USP33: variants seen among roughly 807,000 people sequenced by gnomAD.
USP33 encodes ubiquitin specific peptidase 33, also known as ubiquitin carboxyl-terminal hydrolase 33.
A neutral mutation model predicts 124.2 loss-of-function variants in USP33; 46 were observed. The observed-to-expected ratio is 0.37, with a 90% CI of 0.29 to 0.47. The LOEUF (loss-of-function observed/expected upper bound fraction) is 0.47, where lower values mean the gene tolerates loss of function less well. Among genes scored for constraint, USP33 ranks in the 20% least tolerant of loss-of-function variants. USP33 has a pLI of 0.99. For synonymous variants in USP33, 350 were observed against 352.3 expected (o/e 0.99, Z 0.07); for missense variants, 851 against 1,070.6 (o/e 0.79, Z 2.86).
intron 21 of USP33, among the ~76,000 whole-genome samples, chr1:77,708,464 C>G (rs1195110024): frequency 6.6e-6 from 1 of 152,214 alleles, no homozygotes; most frequent in African/African-American, 2.4e-5. Flanking sequence ...CATCCTGTGT[C>G]TCCTGGGCGT....
intron 16 of USP33, 93 bp from the exon 17 acceptor site, chr1:77,718,140 G>T (rs1676134894): frequency 2.8e-6 from 3 of 1,066,496 alleles, no homozygotes; most frequent in South Asian, 1.8e-5. Flanking sequence ...TATTCAACAA[G>T]CAAGAAACTG....
At chr1:77,759,591 G>A (rs1259665117) in intron 1 of USP33, 52 bp downstream of exon 1, 3 of 398,094 alleles carry the variant, frequency 7.5e-6, no homozygotes, top group African/African-American at 2.1e-5. Flanking sequence ...GACCCCGGAC[G>A]CGAGCGAAAC....
chr1:77,720,365 C>A, intron 15 of USP33: 2 of 985,282 alleles, frequency 2.0e-6, no homozygotes, highest in Non-Finnish European at 2.4e-6. Flanking sequence ...GGAACAATCC[C>A]CTTCCAAGCC....
At chr1:77,718,869 CAG>C (rs1676225750) in intron 15 of USP33, among the ~76,000 whole-genome samples, 1 of 138,290 alleles carries the variant, frequency 7.2e-6, no homozygotes, top group African/African-American at 2.7e-5. Flanking sequence ...ACGGAGTTTG[CAG>C]AGAGCCAAGA....
chr1:77,705,147 CA>C (rs35656157), intron 21 of USP33, among the ~76,000 whole-genome samples: 3 of 144,950 alleles, frequency 2.1e-5, no homozygotes, highest in South Asian at 2.2e-4. Context: ...CTGAATAAAA[CA>C]AAAAAAACCC....
intron 1 of USP33, among the ~76,000 whole-genome samples, chr1:77,743,307 ATTTT>A (rs199526126): frequency 6.6e-6 from 1 of 151,944 alleles, no homozygotes. Context: ...TAGTAAATAC[ATTTT>A]TTTTATTATA....
At chr1:77,742,834 G>A (rs1679281294) in intron 1 of USP33, among the ~76,000 whole-genome samples, 1 of 152,090 alleles carries the variant, frequency 6.6e-6, no homozygotes, top group Non-Finnish European at 1.5e-5. Flanking sequence ...AATAAACCAT[G>A]CAGGTCTATG....
chr1:77,714,492 T>G (rs1675646211), intron 19 of USP33, 122 bp downstream of exon 19: 1 of 966,008 alleles, frequency 1.0e-6, no homozygotes, highest in South Asian at 1.7e-5. Flanking sequence ...TAAAACACAT[T>G]AAGTTTGAAT....
At chr1:77,729,369 TAAAAAA>T (rs1167126986) in intron 9 of USP33, among the ~76,000 whole-genome samples, 4 of 115,486 alleles carry the variant, frequency 3.5e-5, no homozygotes, top group African/African-American at 1.3e-4. Context: ...TTATCTCTCT[TAAAAAA>T]AAAAAAAAAA....
At chr1:77,712,127 A>G (rs568533860) in intron 20 of USP33, among the ~76,000 whole-genome samples, 1 of 152,362 alleles carries the variant, frequency 6.6e-6, no homozygotes, top group South Asian at 2.1e-4. Flanking sequence ...AGTGGTTTCA[A>G]AAAGTATCAT....
chr1:77,751,406 A>T (rs2101606221), intron 1 of USP33, among the ~76,000 whole-genome samples: 1 of 152,292 alleles, frequency 6.6e-6, no homozygotes, highest in African/African-American at 2.4e-5. Flanking sequence ...TAATCCCAGC[A>T]CTTTAGGAGA....
At position 77,713,249 on chromosome 1, in the gene USP33, C is replaced by A; in HGVS notation, c.2248G>T (p.Asp750Tyr). 1.3e-6 allele frequency: 2 copies of A among 1,577,030 alleles called. No homozygotes were observed. The highest frequency in any genetic ancestry group is 1.2e-5 in the South Asian group (1 of 85,066). The change falls in exon 20 of 24, where the codon GAC becomes TAC. Residue 750 changes from aspartate (D) to tyrosine (Y), a missense_variant. Coordinates refer to ENST00000370794, the MANE Select transcript of USP33 (RefSeq NM_201624.3). ...TTCTGAGGCAGCATCAAAACCAGGTCTTCAATATAACCAGCTTTTCTTGGA... is the reference window on the plus strand; with the variant it reads ...TTCTGAGGCAGCATCAAAACCAGGTATTCAATATAACCAGCTTTTCTTGGA... The part of the protein sequence containing the change: ...VPPRKAGYIE[D>Y]LVLMLPQNIW...
Position 77,697,208 on chromosome 1 carries a change from G to T in USP33, c.*109C>A. ...CTAAGAAGAAATAAATGGGATAAAT[G>T]ATGAAAAAAAATAAAGCAAATAAAC... is the stretch of plus-strand genomic sequence containing the variant. On this transcript the variant is annotated 3_prime_UTR_variant, in exon 24 of 24. Coordinates refer to ENST00000370794, the MANE Select transcript of USP33 (RefSeq NM_201624.3). The T allele has an allele frequency of 8.4e-6, 9 of 1,066,712 alleles. No homozygotes were observed. Among genetic ancestry groups the T allele is most frequent in the Admixed American group, 2.7e-5 (1 of 36,638 alleles). The allele number at this position is 1,066,712 out of a possible 1,614,324, so 66.1% of individuals were successfully genotyped here.
chr1:77,709,233 G>A (rs1674964171), intron 21 of USP33, among the ~76,000 whole-genome samples: 1 of 152,052 alleles, frequency 6.6e-6, no homozygotes, highest in African/African-American at 2.4e-5. Flanking sequence ...TTGAGGCTAG[G>A]CACAGTAGTT....
At chr1:77,725,909 C>A in intron 10 of USP33, 147 bp from the exon 11 acceptor site, 1 of 812,512 alleles carries the variant, frequency 1.2e-6, no homozygotes, top group Non-Finnish European at 1.8e-6. Flanking sequence ...GCTTACTAAG[C>A]AAAATAACAG....
Position 77,721,157 on chromosome 1 carries a change from G to A in USP33, c.1691+15C>T, listed in dbSNP as rs750400986. The A allele has an allele frequency of 3.1e-6, 5 of 1,613,486 alleles. No individual in the cohort carries two copies. The highest frequency in any genetic ancestry group is 1.7e-5 in the Admixed American group (1 of 59,942). On this transcript the variant is annotated intron_variant, in intron 15 of 23. Coordinates refer to ENST00000370794, the MANE Select transcript of USP33 (RefSeq NM_201624.3). ...TACACAACATGCAATTAAAAGCACT[G>A]TCAATGTCACTTACTTTTTGCATTT...
In USP33 at chr1:77,701,482, G is replaced by GA. The variant is rs745680662; in HGVS notation, c.2407-12dup. 1.3e-4 allele frequency: 204 copies of GA among 1,587,790 alleles called. 1 individual carries two copies. The South Asian group carries it at 1.6e-3, about 13-fold the overall frequency. ...GAACGCTCTGTTAAGCTACAAGGGG[G>GA]AAAAAAAACAGTCATCTAATATCTA... is the stretch of plus-strand genomic sequence containing the variant. On this transcript the variant is annotated splice_polypyrimidine_tract_variant and intron_variant, in intron 21 of 23. Coordinates refer to ENST00000370794, the MANE Select transcript of USP33 (RefSeq NM_201624.3).
rs374547363 is a variant in USP33 at position 77,697,410 on chromosome 1, C to G, written c.2643G>C (p.Gly881=). Residue 881 remains glycine (G), a synonymous_variant, in exon 24 of 24, where the codon GGG becomes GGC. Transcript: ENST00000370794. ...CCGGAGGTCGCAGGATAACTTCAGG[C>G]CCTCCACCATAAATAGACTGCAGAA... ...WNFLQSIYGG[G]PEVILRPPVV... is the part of the protein sequence containing the mutation. 3.1e-6 allele frequency: 5 copies of G among 1,613,104 alleles called. No homozygotes were observed. The highest frequency in any genetic ancestry group is 4.2e-6 in the Non-Finnish European group (5 of 1,179,778).
rs1676623950 is a variant in USP33 at position 77,722,059 on chromosome 1, T to C, written c.1527A>G (p.Gln509=). 1.2e-6 allele frequency: 2 copies of C among 1,614,036 alleles called. No homozygotes were observed. Among genetic ancestry groups the C allele is most frequent in the South Asian group, 2.2e-5 (2 of 91,058 alleles). ...ATTCCATGAAAAAAGCTATCCACCC[T>C]TGTGGAGCATATGCTTCGCCACATG... is the stretch of plus-strand genomic sequence containing the variant. The part of the protein sequence containing the change: ...AGSCGEAYAP[Q]GWIAFFMEYV... Residue 509 remains glutamine, a synonymous_variant, in exon 13 of 24, where the codon CAA becomes CAG. Coordinates refer to ENST00000370794, the MANE Select transcript of USP33 (RefSeq NM_201624.3).
Sources: gnomAD v4.1 joint callset for allele counts (sites outside exome capture counted in the v4.1 genomes callset) on GRCh38, gnomAD v4.1.1 for gene constraint, MANE v1.5 for transcripts, NCBI Gene and HGNC (gene_info 2026-07-23, HGNC 2026-07-21) for gene names.